Variants in JARID2 observed in about 807,000 individuals in gnomAD.
The protein encoded by JARID2 is jumonji and AT-rich interaction domain containing 2.
In JARID2, 21 loss-of-function variants were observed where a neutral mutation model predicts 125.6. The ratio of observed to expected loss-of-function variants is 0.17; its 90% confidence interval spans 0.12 to 0.24. The LOEUF (loss-of-function observed/expected upper bound fraction) is 0.24, where lower values mean the gene tolerates loss of function less well. Ranked by LOEUF, JARID2 falls within the 10% of genes least tolerant of loss-of-function variation. The pLI, the probability that JARID2 is intolerant of heterozygous loss-of-function variation, is 1.00. For missense variants in JARID2, 1,303 were observed against 1,639.6 expected (o/e 0.79, Z 3.55); for synonymous variants, 736 against 661.6 (o/e 1.11, Z -1.73).
At chr6:15,329,949 C>A (rs892019919) in intron 1 of JARID2, among the ~76,000 whole-genome samples, 8 of 152,178 alleles carry the variant, frequency 5.3e-5, no homozygotes, top group South Asian at 2.1e-4. Flanking sequence ...AATAGATGTT[C>A]AGCAGATTCT....
Position 15,492,272 on chromosome 6 carries a change from A to G in JARID2, c.907-3860A>G, listed in dbSNP as rs181864556. 8.1e-4 allele frequency among the ~76,000 whole-genome samples: 123 copies of G among 152,330 alleles called. 1 individual carries two copies. The highest frequency in any genetic ancestry group is 1.7e-3 in the South Asian group (8 of 4,830). On this transcript the variant is annotated intron_variant, in intron 6 of 17. Transcript: ENST00000341776. ...GTATAAAGCTGCTCAGCTGAAATGT[A>G]TTGTCATTCAATGGAGGGTCCTGCT... is the stretch of plus-strand genomic sequence containing the variant.
intron 3 of JARID2, among the ~76,000 whole-genome samples, chr6:15,438,118 T>TG (rs1767291290): frequency 1.3e-5 from 2 of 152,080 alleles, no homozygotes; most frequent in Non-Finnish European, 2.9e-5. Flanking sequence ...GGAGGAAACT[T>TG]GAAGTATCCA....
At chr6:15,319,564 AT>A (rs1281450467) in intron 1 of JARID2, among the ~76,000 whole-genome samples, 2 of 151,750 alleles carry the variant, frequency 1.3e-5, no homozygotes, top group African/African-American at 4.8e-5. Context: ...TGCCCTGCCA[AT>A]TTTTTTGTGT....
intron 4 of JARID2, 157 bp downstream of exon 4, chr6:15,452,332 A>G (rs1232500980): frequency 5.7e-6 from 4 of 697,454 alleles, no homozygotes; most frequent in Admixed American, 6.3e-5. Context: ...CCACCGAGAG[A>G]GTGTGTGCTG....
In JARID2 at chr6:15,433,410, C is replaced by CTGTGTGTGTGTG. The variant is rs57296791; in HGVS notation, c.324-18566_324-18555dup. On this transcript the variant is annotated intron_variant, in intron 3 of 17. Transcript: ENST00000341776. ...CCTCCTCCCCAACCCCCATGTCTCT[C>CTGTGTGTGTGTG]TGTGTGTGTGTGTGTGTGTGTGTGT... Among the ~76,000 whole-genome samples the CTGTGTGTGTGTG allele has an allele frequency of 9.3e-3, 1,336 of 143,480 alleles. 11 individuals are homozygous for CTGTGTGTGTGTG. Among genetic ancestry groups the CTGTGTGTGTGTG allele is most frequent in the East Asian group, 0.021 (101 of 4,718 alleles). The allele number at this position is 143,480 out of a possible 152,430, so 94.1% of individuals were successfully genotyped here. A position where few individuals can be genotyped will look rare whatever the true frequency, so the allele number is the denominator to read the frequency against.
chr6:15,504,674 C>T, intron 9 of JARID2, 82 bp downstream of exon 9: 2 of 873,018 alleles, frequency 2.3e-6, no homozygotes, highest in Non-Finnish European at 3.9e-6. Flanking sequence ...CCTGCCCTGA[C>T]CCCTGCAGCT....
chr6:15,451,270 G>A (rs550755819), intron 3 of JARID2, among the ~76,000 whole-genome samples: 2 of 152,328 alleles, frequency 1.3e-5, no homozygotes, highest in East Asian at 1.9e-4. Context: ...TTAACAAATG[G>A]TAAGTTAGGG....
At chr6:15,481,850 T>G (rs1056308345) in intron 5 of JARID2, among the ~76,000 whole-genome samples, 1 of 152,218 alleles carries the variant, frequency 6.6e-6, no homozygotes, top group Non-Finnish European at 1.5e-5. Flanking sequence ...AAATATTCTT[T>G]AGTAGAGTAC....
At chr6:15,475,657 G>C (rs1332411138) in intron 5 of JARID2, among the ~76,000 whole-genome samples, 3 of 152,174 alleles carry the variant, frequency 2.0e-5, no homozygotes, top group African/African-American at 7.2e-5. Context: ...GGAGTGCCTT[G>C]GTGAATAGAA....
intron 1 of JARID2, among the ~76,000 whole-genome samples, chr6:15,339,470 C>G (rs115916968): frequency 0.011 from 1,717 of 151,972 alleles, 21 homozygotes; most frequent in Non-Finnish European, 0.015. Flanking sequence ...GCAGGTATTC[C>G]CAGGGTGCAC....
intron 1 of JARID2, among the ~76,000 whole-genome samples, chr6:15,325,296 C>G (rs776163722): frequency 2.6e-5 from 4 of 152,164 alleles, no homozygotes; most frequent in Non-Finnish European, 5.9e-5. Context: ...ACACACACAA[C>G]TGAAACAATT....
intron 3 of JARID2, among the ~76,000 whole-genome samples, chr6:15,413,261 C>T (rs977205179): frequency 6.6e-6 from 1 of 152,088 alleles, no homozygotes; most frequent in African/African-American, 2.4e-5. Context: ...GACCCGCCCA[C>T]CTCGGCCTCC....
At chr6:15,265,379 A>C (rs376999967) in intron 1 of JARID2, among the ~76,000 whole-genome samples, 45 of 145,356 alleles carry the variant, frequency 3.1e-4, no homozygotes, top group Non-Finnish European at 4.4e-4. Flanking sequence ...AAAAAAAAAA[A>C]CAAAAAAAAA....
At chr6:15,442,331 C>T (rs544420118) in intron 3 of JARID2, among the ~76,000 whole-genome samples, 4 of 152,248 alleles carry the variant, frequency 2.6e-5, no homozygotes, top group African/African-American at 9.6e-5. Flanking sequence ...CATTTTAACT[C>T]GCTCTTCTAG....
chr6:15,339,326 A>G (rs1372774193), intron 1 of JARID2, among the ~76,000 whole-genome samples: 3 of 152,146 alleles, frequency 2.0e-5, no homozygotes, highest in Non-Finnish European at 4.4e-5. Context: ...AGCTAATCCT[A>G]AAGGATAAAT....
intron 8 of JARID2, among the ~76,000 whole-genome samples, chr6:15,502,728 C>G (rs1293730985): frequency 1.3e-5 from 2 of 152,174 alleles, no homozygotes; most frequent in African/African-American, 2.4e-5. Flanking sequence ...AAAGAGGTAC[C>G]CAGTTTTTCT....
intron 1 of JARID2, among the ~76,000 whole-genome samples, chr6:15,304,634 A>G (rs1381262775): frequency 6.6e-6 from 1 of 152,026 alleles, no homozygotes; most frequent in Non-Finnish European, 1.5e-5. Flanking sequence ...AAAAAAATCA[A>G]TCAACAAATA....
At chr6:15,501,677 T>TTG (rs1561909654) in intron 8 of JARID2, among the ~76,000 whole-genome samples, 1 of 152,108 alleles carries the variant, frequency 6.6e-6, no homozygotes, top group Non-Finnish European at 1.5e-5. Context: ...AGTGAGGGCC[T>TTG]TGTGGGTGCG....
chr6:15,317,144 A>C (rs990332162), intron 1 of JARID2, among the ~76,000 whole-genome samples: 3 of 152,208 alleles, frequency 2.0e-5, no homozygotes, highest in Non-Finnish European at 4.4e-5. Context: ...TTATCTATTT[A>C]GCAGTAGAAT....
Sources: gnomAD v4.1 joint callset for allele counts (sites outside exome capture counted in the v4.1 genomes callset) on GRCh38, gnomAD v4.1.1 for gene constraint, MANE v1.5 for transcripts, NCBI Gene and HGNC (gene_info 2026-07-23, HGNC 2026-07-21) for gene names.